The following CDH13 variants were observed in gnomAD, a reference collection of about 807,000 sequenced individuals.
The protein encoded by CDH13 is cadherin 13, also known as cadherin-13.
CDH13 carries 24 observed loss-of-function variants against 63.8 expected under a neutral mutation model. The ratio of observed to expected loss-of-function variants is 0.38; its 90% CI spans 0.27 to 0.53. The LOEUF (loss-of-function observed/expected upper bound fraction) is 0.53. CDH13 is among the 20% of genes least tolerant of loss of function. The probability of loss-of-function intolerance (pLI) is 0.85; values close to 1 mark genes in which losing one functional copy is unlikely to be tolerated. For synonymous variants in CDH13, 503 were observed against 355.3 expected (o/e 1.42, Z -4.67); for missense variants, 1,049 against 903.1 (o/e 1.16, Z -2.07).
At chr16:83,289,187 A>T (rs960082532) in intron 5 of CDH13, among the ~76,000 whole-genome samples, 5 of 141,948 alleles carry the variant, frequency 3.5e-5, no homozygotes, top group African/African-American at 1.5e-4. Context: ...TCTGCATATG[A>T]ATGTGCGTGA....
intron 2 of CDH13, among the ~76,000 whole-genome samples, chr16:82,885,453 A>T (rs572803510): frequency 7.4e-5 from 4 of 53,968 alleles, no homozygotes; most frequent in African/African-American, 3.9e-4. Flanking sequence ...CCACTCATTC[A>T]TTCATCCACC....
intron 1 of CDH13, among the ~76,000 whole-genome samples, chr16:82,700,974 C>G (rs377235550): frequency 0.034 from 1,349 of 39,338 alleles, 127 homozygotes; most frequent in Non-Finnish European, 0.073. Flanking sequence ...CCCCCCCCCC[C>G]GCCCCGGGCA....
intron 5 of CDH13, among the ~76,000 whole-genome samples, chr16:83,229,159 C>T (rs958008460): frequency 1.3e-5 from 2 of 152,158 alleles, no homozygotes; most frequent in African/African-American, 4.8e-5. Flanking sequence ...AAGGGAGTGA[C>T]ATCCAATTTG....
intron 12 of CDH13, among the ~76,000 whole-genome samples, chr16:83,780,926 C>T (rs932793086): frequency 1.3e-5 from 2 of 152,182 alleles, no homozygotes; most frequent in African/African-American, 4.8e-5. Flanking sequence ...TACCTGCTGT[C>T]ATAAAAGACT....
chr16:83,212,081 T>G (rs1375623464), intron 4 of CDH13, among the ~76,000 whole-genome samples: 3 of 152,162 alleles, frequency 2.0e-5, no homozygotes, highest in African/African-American at 7.2e-5. Context: ...ACTGGATTTC[T>G]TATATTTCTT....
chr16:83,583,458 C>T (rs188755320), intron 7 of CDH13, among the ~76,000 whole-genome samples: 45 of 152,328 alleles, frequency 3.0e-4, no homozygotes, highest in Non-Finnish European at 5.6e-4. Flanking sequence ...TATTGCACAT[C>T]TATTCTGTAG....
At chr16:83,368,924 A>ACACTAGGTTTTTT (rs1330430493) in intron 6 of CDH13, among the ~76,000 whole-genome samples, 1 of 77,526 alleles carries the variant, frequency 1.3e-5, no homozygotes. Flanking sequence ...ATATATATAT[A>ACACTAGGTTTTTT]TATATATATA....
rs540760838 is a variant in CDH13 at position 83,195,291 on chromosome 16, A to G, written c.484-22054A>G. Among the ~76,000 whole-genome samples the G allele has an allele frequency of 7.2e-5, 11 of 152,350 alleles. No individual in the cohort carries two copies. In the South Asian group the frequency reaches 2.1e-3, roughly 29 times the overall value. ...ATGCTCATGATATAATATGTGTATT[A>G]TAGTCTGTTCTTGCACTGCTATAAA... On this transcript the variant is annotated intron_variant, in intron 4 of 13. Transcript: ENST00000567109.
At chr16:82,858,316 A>G (rs781030218) in intron 1 of CDH13, 46 bp from the exon 2 acceptor site, 10 of 1,322,032 alleles carry the variant, frequency 7.6e-6, no homozygotes, top group Admixed American at 3.4e-5. Context: ...TAGCAGGGCA[A>G]ACACATAAGC....
At position 82,877,056 on chromosome 16, in the gene CDH13, A is replaced by G. The variant is rs549049749; in HGVS notation, c.157+18583A>G. Among the ~76,000 whole-genome samples, 50 of 152,358 alleles carry G rather than the reference A, an allele frequency of 3.3e-4. 1 individual carries two copies. The South Asian group carries it at 0.01, about 32-fold the overall frequency. On this transcript the variant is annotated intron_variant, in intron 2 of 13. Transcript: ENST00000567109. ...ACTACATTTATGAGAACTCACTTCC[A>G]TAAGGGCAAATACTACCTTAACAGA...
intron 7 of CDH13, among the ~76,000 whole-genome samples, chr16:83,536,909 G>A (rs2075202331): frequency 6.6e-6 from 1 of 152,164 alleles, no homozygotes; most frequent in Non-Finnish European, 1.5e-5. Context: ...TGGTGCAATC[G>A]AAATTGAAAT....
chr16:83,146,135 A>C (rs975629466), intron 4 of CDH13, among the ~76,000 whole-genome samples: 2 of 146,594 alleles, frequency 1.4e-5, no homozygotes, highest in African/African-American at 5.1e-5. Context: ...CAGAAGTTAC[A>C]GTGAGCCAAG....
chr16:82,934,554 C>T (rs2042605498), intron 2 of CDH13, among the ~76,000 whole-genome samples: 1 of 152,224 alleles, frequency 6.6e-6, no homozygotes, highest in African/African-American at 2.4e-5. Flanking sequence ...ATTTCTGCAG[C>T]AGGCTTGAAT....
chr16:83,062,434 A>G (rs1220637145), intron 3 of CDH13, among the ~76,000 whole-genome samples: 1 of 152,224 alleles, frequency 6.6e-6, no homozygotes, highest in African/African-American at 2.4e-5. Flanking sequence ...AGTAAGAAGT[A>G]TCAATGTGGT....
intron 4 of CDH13, among the ~76,000 whole-genome samples, chr16:83,186,080 T>TTTTATTTTATTTTATTTTATTTTATTTTA (rs2038509868): frequency 9.1e-6 from 1 of 109,932 alleles, no homozygotes. Context: ...TAAAGGCATC[T>TTTTATTTTATTTTATTTTATTTTATTTTA]TTTTATTTTA....
At chr16:83,778,760 A>G (rs1006872052) in intron 11 of CDH13, among the ~76,000 whole-genome samples, 1 of 152,138 alleles carries the variant, frequency 6.6e-6, no homozygotes, top group Non-Finnish European at 1.5e-5. Flanking sequence ...TGTCCTGTCC[A>G]GCAGGGTCAG....
chr16:82,896,770 C>CTTTTTTTTTTTTTTTTTTT (rs71382855), intron 2 of CDH13, among the ~76,000 whole-genome samples: 1 of 55,516 alleles, frequency 1.8e-5, no homozygotes, highest in African/African-American at 8.1e-5. Flanking sequence ...CTGTGCAATT[C>CTTTTTTTTTTTTTTTTTTT]TTTTTTTTTT....
chr16:83,422,562 T>C (rs2071749571), intron 6 of CDH13, among the ~76,000 whole-genome samples: 1 of 152,226 alleles, frequency 6.6e-6, no homozygotes. Context: ...TCTTGAAAGC[T>C]CTTTCTGGTG....
chr16:82,912,093 G>A (rs992577392), intron 2 of CDH13, among the ~76,000 whole-genome samples: 1 of 151,818 alleles, frequency 6.6e-6, no homozygotes, highest in South Asian at 2.1e-4. Flanking sequence ...ATCCCATCCC[G>A]CCATCACCAT....
Sources: allele counts gnomAD v4.1 joint callset (sites outside exome capture counted in the v4.1 genomes callset), GRCh38; gene constraint gnomAD v4.1.1; transcripts MANE v1.5; gene names NCBI Gene and HGNC (gene_info 2026-07-23, HGNC 2026-07-21).